ERC2: variants seen among roughly 807,000 people sequenced by gnomAD.
ERC2 encodes ERC protein 2.
A neutral mutation model predicts 114.8 loss-of-function variants in ERC2; 42 were observed. That is an observed-to-expected ratio of 0.37 (90% CI 0.29 to 0.47). The LOEUF (loss-of-function observed/expected upper bound fraction) is 0.47, where lower values mean the gene tolerates loss of function less well. ERC2 is among the 20% of genes least tolerant of loss of function. The probability of loss-of-function intolerance (pLI) is 0.99; values close to 1 mark genes in which losing one functional copy is unlikely to be tolerated. For missense variants in ERC2, 939 were observed against 1,150.7 expected (o/e 0.82, Z 2.66); for synonymous variants, 454 against 425.5 (o/e 1.07, Z -0.82).
intron 17 of ERC2, among the ~76,000 whole-genome samples, chr3:55,637,262 T>C (rs1197754977): frequency 6.6e-6 from 1 of 152,140 alleles, no homozygotes; most frequent in Non-Finnish European, 1.5e-5. Context: ...GGCAGAAAAA[T>C]AGAAATGTAA....
chr3:55,831,668 C>G (rs948936838), intron 14 of ERC2, among the ~76,000 whole-genome samples: 5 of 152,154 alleles, frequency 3.3e-5, no homozygotes, highest in African/African-American at 1.2e-4. Flanking sequence ...TCTACAGCTC[C>G]CAGCATGAGT....
At chr3:55,951,628 C>T (rs1405866035) in intron 12 of ERC2, among the ~76,000 whole-genome samples, 1 of 152,084 alleles carries the variant, frequency 6.6e-6, no homozygotes. Context: ...GGTAGGAGGG[C>T]AGTACGGAGG....
Position 55,669,482 on chromosome 3 carries a change from C to G in ERC2, c.*39+14312G>C, listed in dbSNP as rs114108725. Among the ~76,000 whole-genome samples the G allele has an allele frequency of 3.7e-3, 567 of 152,302 alleles. 7 individuals are homozygous for G. The highest frequency in any genetic ancestry group is 0.013 in the African/African-American group (539 of 41,556). ...CTGGCTCGGCCAAGATAAGAGAGTA[C>G]AAAGATCTAGGGAAAAGACAACTTT... On this transcript the variant is annotated intron_variant, in intron 17 of 17. Transcript: ENST00000288221.
chr3:55,841,366 G>C (rs2061124452), intron 14 of ERC2, among the ~76,000 whole-genome samples: 2 of 152,078 alleles, frequency 1.3e-5, no homozygotes, highest in Non-Finnish European at 2.9e-5. Context: ...GACTTCCCCT[G>C]CACACACTCT....
intron 2 of ERC2, among the ~76,000 whole-genome samples, chr3:56,305,377 A>T (rs569978102): frequency 6.6e-6 from 1 of 152,172 alleles, no homozygotes; most frequent in Non-Finnish European, 1.5e-5. Flanking sequence ...AGAAATGAGC[A>T]GGCATTTCAC....
At chr3:55,918,387 T>C (rs1379725) in intron 13 of ERC2, among the ~76,000 whole-genome samples, 1 of 152,010 alleles carries the variant, frequency 6.6e-6, no homozygotes, top group African/African-American at 2.4e-5. Flanking sequence ...TTCTTAACAA[T>C]AAATTGGTGC....
intron 7 of ERC2, among the ~76,000 whole-genome samples, chr3:56,067,130 C>G (rs533444157): frequency 6.6e-6 from 1 of 152,248 alleles, no homozygotes; most frequent in East Asian, 1.9e-4. Context: ...CACTGAATCT[C>G]TAAATTACTT....
chr3:56,444,128 AT>A (rs552859347), intron 1 of ERC2, among the ~76,000 whole-genome samples: 992 of 134,772 alleles, frequency 7.4e-3, no homozygotes, highest in Middle Eastern at 0.011. Flanking sequence ...CACCTGGCTA[AT>A]TTTTTTTTTT....
chr3:56,138,344 G>T (rs976401624), intron 6 of ERC2, among the ~76,000 whole-genome samples: 1 of 152,194 alleles, frequency 6.6e-6, no homozygotes, highest in Non-Finnish European at 1.5e-5. Context: ...ACAGGCGTGA[G>T]CCACCGCGCC....
At position 56,222,240 on chromosome 3, in the gene ERC2, G is replaced by T. The variant is rs1901553; in HGVS notation, c.1075-48720C>A. ...ATATACTGGTTGGAAGGACAGAGCA[G>T]ATTAAAGTTATAGATTATATCTTCT... On this transcript the variant is annotated intron_variant, in intron 3 of 17. Coordinates refer to ENST00000288221, the MANE Select transcript of ERC2 (RefSeq NM_015576.3). Among the ~76,000 whole-genome samples, 581 of 152,104 alleles carry T rather than the reference G, an allele frequency of 3.8e-3. 3 individuals are homozygous for T. Among genetic ancestry groups the T allele is most frequent in the Admixed American group, 5.6e-3 (86 of 15,284 alleles).
intron 17 of ERC2, among the ~76,000 whole-genome samples, chr3:55,679,826 T>C (rs1485579062): frequency 6.8e-6 from 1 of 146,042 alleles, no homozygotes; most frequent in African/African-American, 2.5e-5. Context: ...CAGAGCTCTT[T>C]CCTTGATTTT....
At chr3:56,227,493 G>A (rs2050327423) in intron 3 of ERC2, among the ~76,000 whole-genome samples, 1 of 151,514 alleles carries the variant, frequency 6.6e-6, no homozygotes, top group Non-Finnish European at 1.5e-5. Context: ...CAGGTTTACT[G>A]GATGTCACGT....
chr3:56,443,896 T>A (rs2062435392), intron 1 of ERC2, among the ~76,000 whole-genome samples: 1 of 151,450 alleles, frequency 6.6e-6, no homozygotes, highest in Admixed American at 6.6e-5. Context: ...TAAATACTTA[T>A]TATGAAGCCA....
intron 2 of ERC2, among the ~76,000 whole-genome samples, chr3:56,302,164 TAC>T (rs1305032846): frequency 6.6e-6 from 1 of 152,178 alleles, no homozygotes; most frequent in Non-Finnish European, 1.5e-5. Flanking sequence ...CAAGAGCAGA[TAC>T]ACACTGACAA....
At chr3:55,515,480 G>T (rs1269725315) in intron 17 of ERC2, among the ~76,000 whole-genome samples, 1 of 151,546 alleles carries the variant, frequency 6.6e-6, no homozygotes, top group Non-Finnish European at 1.5e-5. Context: ...CGATTCTCCT[G>T]CCTCAGCCTC....
chr3:56,205,182 G>A (rs1461518672), intron 3 of ERC2, among the ~76,000 whole-genome samples: 1 of 152,130 alleles, frequency 6.6e-6, no homozygotes, highest in African/African-American at 2.4e-5. Flanking sequence ...GAAGAAATCA[G>A]CAAGGAATAT....
intron 4 of ERC2, among the ~76,000 whole-genome samples, chr3:56,153,871 C>G (rs1224667791): frequency 1.3e-5 from 2 of 152,144 alleles, no homozygotes; most frequent in African/African-American, 2.4e-5. Context: ...AAGACATAAG[C>G]AGTTTTTACA....
chr3:56,052,538 A>T (rs1316711949), intron 7 of ERC2, among the ~76,000 whole-genome samples: 1 of 152,236 alleles, frequency 6.6e-6, no homozygotes, highest in African/African-American at 2.4e-5. Context: ...TTAAGAAAAC[A>T]TCTGATGACC....
At chr3:55,701,078 C>A (rs1299951167) in intron 15 of ERC2, among the ~76,000 whole-genome samples, 2 of 152,128 alleles carry the variant, frequency 1.3e-5, no homozygotes, top group African/African-American at 4.8e-5. Context: ...AGCCAGAAGT[C>A]AGTGGTTGGC....
Sources: allele counts gnomAD v4.1 joint callset (sites outside exome capture counted in the v4.1 genomes callset), GRCh38; gene constraint gnomAD v4.1.1; transcripts MANE v1.5; gene names NCBI Gene and HGNC (gene_info 2026-07-23, HGNC 2026-07-21).